VWA8: variants seen among roughly 807,000 people sequenced by gnomAD.
The protein encoded by VWA8 is von Willebrand factor A domain containing 8, also known as von Willebrand factor A domain-containing protein 8.
Under a neutral mutation model 241.5 loss-of-function variants are expected in VWA8, and 221 were observed. The ratio of observed to expected loss-of-function variants is 0.91; its 90% confidence interval spans 0.82 to 1.02. VWA8 has a LOEUF of 1.02. Ranked by LOEUF, VWA8 falls within the 50% of genes least tolerant of loss-of-function variation. The pLI is 0.00. For synonymous variants in VWA8, 852 were observed against 827.1 expected, an observed-to-expected ratio of 1.03 and a Z score of -0.52; for missense variants, 2,322 against 2,328.7, an observed-to-expected ratio of 1.00 and a Z score of 0.06.
At chr13:41,843,164 A>T (rs912161374) in intron 12 of VWA8, among the ~76,000 whole-genome samples, 5 of 152,240 alleles carry the variant, frequency 3.3e-5, no homozygotes, top group African/African-American at 1.2e-4. Context: ...ACAACTAAGT[A>T]CATTAAGAAG....
At chr13:41,674,244 T>C (rs938052801) in intron 36 of VWA8, among the ~76,000 whole-genome samples, 1 of 152,164 alleles carries the variant, frequency 6.6e-6, no homozygotes, top group African/African-American at 2.4e-5. Context: ...CCGAGCTATC[T>C]TCTTCTAGGG....
intron 17 of VWA8, among the ~76,000 whole-genome samples, chr13:41,804,460 A>C (rs1870094330): frequency 6.6e-6 from 1 of 152,180 alleles, no homozygotes; most frequent in African/African-American, 2.4e-5. Context: ...CCAGACAAAC[A>C]AAAGTGGACG....
intron 37 of VWA8, among the ~76,000 whole-genome samples, chr13:41,624,990 A>G (rs2044680214): frequency 6.6e-6 from 1 of 152,224 alleles, no homozygotes; most frequent in South Asian, 2.1e-4. Flanking sequence ...TACAAAATCG[A>G]TGTACAAACA....
chr13:41,585,706 A>T (rs1427695263), intron 42 of VWA8, among the ~76,000 whole-genome samples: 1 of 151,948 alleles, frequency 6.6e-6, no homozygotes, highest in Non-Finnish European at 1.5e-5. Flanking sequence ...TCTACTAAAA[A>T]TACAAAAATT....
intron 2 of VWA8, among the ~76,000 whole-genome samples, chr13:41,943,329 T>C (rs1235193478): frequency 1.3e-5 from 2 of 152,210 alleles, no homozygotes; most frequent in African/African-American, 4.8e-5. Flanking sequence ...GATTCTCAGA[T>C]ATTTAACTAA....
intron 35 of VWA8, among the ~76,000 whole-genome samples, chr13:41,675,890 T>A (rs1372843203): frequency 6.6e-6 from 1 of 152,196 alleles, no homozygotes; most frequent in South Asian, 2.1e-4. Flanking sequence ...GGGTTGCTCA[T>A]CACACAGTAT....
At chr13:41,809,645 A>G (rs1002663298) in intron 17 of VWA8, among the ~76,000 whole-genome samples, 13 of 152,214 alleles carry the variant, frequency 8.5e-5, no homozygotes, top group Admixed American at 8.5e-4. Flanking sequence ...AAACTATGAA[A>G]CTACTAAAAG....
intron 26 of VWA8, among the ~76,000 whole-genome samples, chr13:41,704,735 C>A: frequency 6.6e-6 from 1 of 152,152 alleles, no homozygotes; most frequent in Non-Finnish European, 1.5e-5. Context: ...TCCGAAAGTG[C>A]TGGGATTACA....
chr13:41,847,493 G>C (rs1872341016), intron 12 of VWA8, among the ~76,000 whole-genome samples: 1 of 152,188 alleles, frequency 6.6e-6, no homozygotes, highest in Admixed American at 6.5e-5. Context: ...AGTACCCAGT[G>C]AGACTGAAAC....
At chr13:41,649,861 A>G (rs1169380557) in intron 37 of VWA8, among the ~76,000 whole-genome samples, 1 of 152,202 alleles carries the variant, frequency 6.6e-6, no homozygotes, top group Non-Finnish European at 1.5e-5. Flanking sequence ...CACCAGGGGT[A>G]GCTTGCACAA....
intron 39 of VWA8, among the ~76,000 whole-genome samples, 169 bp from the exon 40 acceptor site, chr13:41,605,445 A>G (rs958682815): frequency 6.6e-6 from 1 of 152,172 alleles, no homozygotes; most frequent in African/African-American, 2.4e-5. Flanking sequence ...GATTCAAAGG[A>G]GGTAACATCC....
chr13:41,594,603 C>T (rs1008455969), intron 40 of VWA8, among the ~76,000 whole-genome samples: 2 of 151,966 alleles, frequency 1.3e-5, no homozygotes, highest in African/African-American at 2.4e-5. Context: ...GTCAAGATGA[C>T]GGGTAGAGGG....
chr13:41,949,594 T>C (rs1425403976), intron 2 of VWA8, among the ~76,000 whole-genome samples: 3 of 151,790 alleles, frequency 2.0e-5, no homozygotes, highest in African/African-American at 7.3e-5. Flanking sequence ...CTGCGTGTAC[T>C]GCACATGTGT....
Position 41,686,332 on chromosome 13 carries a change from T to A in VWA8, c.4132-1090A>T, listed in dbSNP as rs537908811. On this transcript the variant is annotated intron_variant, in intron 34 of 44. Coordinates refer to ENST00000379310, the MANE Select transcript of VWA8 (RefSeq NM_015058.2). ...TAGCTCTCTGCGTCCTTATCAGTAC[T>A]TGGTATTGTCAGTGTTTTTTTTATT... 3.9e-5 allele frequency among the ~76,000 whole-genome samples: 6 copies of A among 152,282 alleles called. No homozygotes were observed. The South Asian group carries it at 1.2e-3, about 32-fold the overall frequency.
intron 40 of VWA8, among the ~76,000 whole-genome samples, chr13:41,593,194 C>T (rs982117668): frequency 3.9e-5 from 6 of 152,176 alleles, no homozygotes; most frequent in Non-Finnish European, 7.3e-5. Context: ...TTTCTTGTTC[C>T]TGATACCCTT....
rs190445654 is a variant in VWA8, at chr13:41,589,639, A to G, written c.5112+1001T>C. On this transcript the variant is annotated intron_variant, in intron 41 of 44. Transcript: ENST00000379310. ...TTCTCTGAAGTTTCTTCAACTGTCTAAAGTTCAGAGCTCCAAAGAAGAAAA... is the reference window on the plus strand; with the variant it reads ...TTCTCTGAAGTTTCTTCAACTGTCTGAAGTTCAGAGCTCCAAAGAAGAAAA... Among the ~76,000 whole-genome samples the G allele has an allele frequency of 2.7e-3, 416 of 152,314 alleles. 1 individual carries two copies. Among genetic ancestry groups the G allele is most frequent in the African/African-American group, 9.3e-3 (387 of 41,556 alleles).
intron 21 of VWA8, among the ~76,000 whole-genome samples, chr13:41,757,357 C>T (rs544470133): frequency 6.6e-6 from 1 of 151,678 alleles, no homozygotes; most frequent in South Asian, 2.1e-4. Flanking sequence ...TACAAAGAAC[C>T]ATGAGAAGAT....
intron 32 of VWA8, 70 bp from the exon 33 acceptor site, chr13:41,690,345 GA>G (rs1285972728): frequency 1.6e-6 from 2 of 1,264,368 alleles, no homozygotes; most frequent in Non-Finnish European, 2.2e-6. Flanking sequence ...GCCAGACTAA[GA>G]AAAATTAGAT....
intron 9 of VWA8, among the ~76,000 whole-genome samples, chr13:41,881,849 C>A (rs1475161608): frequency 7.8e-6 from 1 of 128,324 alleles, no homozygotes; most frequent in Non-Finnish European, 1.6e-5. Context: ...GCTGGCCGGG[C>A]GGGGGGCTGA....
Sources: allele counts gnomAD v4.1 joint callset (sites outside exome capture counted in the v4.1 genomes callset), GRCh38; gene constraint gnomAD v4.1.1; transcripts MANE v1.5; gene names NCBI Gene and HGNC (gene_info 2026-07-23, HGNC 2026-07-21).